Variants in ARHGAP42 observed in about 807,000 individuals in gnomAD.
ARHGAP42 encodes the protein Rho GTPase activating protein 42.
In ARHGAP42, 63 loss-of-function variants were observed where a neutral mutation model predicts 125.0. The observed-to-expected ratio is 0.50, with a 90% CI of 0.41 to 0.62. ARHGAP42 has a LOEUF of 0.62. Among genes scored for constraint, ARHGAP42 ranks in the 20% least tolerant of loss-of-function variants. ARHGAP42 has a pLI of 0.00. For missense variants in ARHGAP42, 766 were observed against 1,024.2 expected, an observed-to-expected ratio of 0.75 and a Z score of 3.44; for synonymous variants, 339 against 351.0, an observed-to-expected ratio of 0.97 and a Z score of 0.38.
intron 4 of ARHGAP42, among the ~76,000 whole-genome samples, chr11:100,887,131 C>T (rs190685113): frequency 2.0e-4 from 31 of 152,202 alleles, no homozygotes; most frequent in African/African-American, 7.2e-4. Context: ...ATAGGAGGAA[C>T]ATTAAATTAG....
intron 23 of ARHGAP42, 112 bp from the exon 24 acceptor site, chr11:100,988,601 C>G (rs1720935066): frequency 7.6e-6 from 6 of 788,040 alleles, no homozygotes; most frequent in East Asian, 2.7e-5. Flanking sequence ...TGGAACTAAT[C>G]CCCCACAGAT....
At chr11:100,965,809 T>C in intron 17 of ARHGAP42, 33 bp downstream of exon 17, 1 of 1,496,270 alleles carries the variant, frequency 6.7e-7, no homozygotes, top group Non-Finnish European at 9.1e-7. Context: ...TCATTTAACT[T>C]ATTGTTCATT....
chr11:100,750,699 AG>A (rs1340296489), intron 1 of ARHGAP42, among the ~76,000 whole-genome samples: 2 of 150,666 alleles, frequency 1.3e-5, no homozygotes, highest in Non-Finnish European at 3.0e-5. Context: ...GGAATGAGTC[AG>A]GGTGGAGAAT....
intron 22 of ARHGAP42, among the ~76,000 whole-genome samples, chr11:100,981,242 A>G (rs931691146): frequency 8.5e-5 from 13 of 152,212 alleles, no homozygotes; most frequent in African/African-American, 2.4e-4. Flanking sequence ...GATGGTTTCT[A>G]CATTAATAAC....
chr11:100,744,274 T>G (rs1191509477), intron 1 of ARHGAP42, among the ~76,000 whole-genome samples: 2 of 152,226 alleles, frequency 1.3e-5, no homozygotes, highest in Non-Finnish European at 2.9e-5. Context: ...CAGTGAAAAT[T>G]CTTTATTTAT....
chr11:100,908,962 T>A (rs558469721), intron 4 of ARHGAP42, among the ~76,000 whole-genome samples: 5 of 152,334 alleles, frequency 3.3e-5, no homozygotes, highest in East Asian at 3.9e-4. Context: ...TGGTTTTAAT[T>A]TGCATTTCTC....
At chr11:100,795,013 A>G in intron 2 of ARHGAP42, 92 bp from the exon 3 acceptor site, 6 of 962,944 alleles carry the variant, frequency 6.2e-6, no homozygotes, top group Non-Finnish European at 7.7e-6. Context: ...ATACAAATTA[A>G]TAACCAGCTT....
intron 4 of ARHGAP42, among the ~76,000 whole-genome samples, chr11:100,865,252 G>C (rs905635360): frequency 5.3e-5 from 8 of 152,030 alleles, no homozygotes; most frequent in Admixed American, 5.2e-4. Context: ...AGTTAATTAA[G>C]CATGTAATAT....
Position 100,976,301 on chromosome 11 carries a change from C to G in ARHGAP42, c.2100C>G (p.Asp700Glu), listed in dbSNP as rs1349902011. The change falls in exon 20 of 24, where the codon GAC becomes GAG. Residue 700 changes from aspartate to glutamate, a missense_variant. Around this residue, in one of 3 missense-constraint regions of ARHGAP42, gnomAD observed 308 missense variants for 369.7 expected, o/e 0.83. Coordinates refer to ENST00000298815, the MANE Select transcript of ARHGAP42 (RefSeq NM_152432.4). ...EDATKTDAESDCQSVASVTSP... is the reference protein window; with the variant it reads ...EDATKTDAESECQSVASVTSP... ...CAACCAAGACAGATGCAGAATCAGA[C>G]TGCCAGAGTGTTGCTTCAGTCACTA... The G allele has an allele frequency of 6.4e-7, 1 of 1,551,678 alleles. No individual in the cohort carries two copies. The highest frequency in any genetic ancestry group is 8.7e-7 in the Non-Finnish European group (1 of 1,146,902).
chr11:100,753,965 A>G (rs1029305756), intron 1 of ARHGAP42, among the ~76,000 whole-genome samples: 1 of 152,248 alleles, frequency 6.6e-6, no homozygotes, highest in Non-Finnish European at 1.5e-5. Flanking sequence ...CTCCATGGAA[A>G]AAAGTGAACA....
intron 3 of ARHGAP42, among the ~76,000 whole-genome samples, chr11:100,804,249 C>T (rs547147484): frequency 4.3e-4 from 65 of 152,230 alleles, no homozygotes; most frequent in African/African-American, 1.5e-3. Flanking sequence ...CTCGGCCTCT[C>T]AAAGTACTAG....
At chr11:100,747,894 A>G (rs1430440411) in intron 1 of ARHGAP42, among the ~76,000 whole-genome samples, 4 of 152,250 alleles carry the variant, frequency 2.6e-5, no homozygotes, top group Non-Finnish European at 5.9e-5. Context: ...CTTGTTGCAA[A>G]CATCCCTTTC....
At chr11:100,809,909 C>T (rs1378834955) in intron 3 of ARHGAP42, among the ~76,000 whole-genome samples, 1 of 151,170 alleles carries the variant, frequency 6.6e-6, no homozygotes, top group African/African-American at 2.4e-5. Flanking sequence ...CCACTGCACT[C>T]GAGCCTGGGT....
chr11:100,844,279 A>G (rs1320025140), intron 3 of ARHGAP42, among the ~76,000 whole-genome samples: 3 of 150,840 alleles, frequency 2.0e-5, no homozygotes, highest in Admixed American at 1.3e-4. Flanking sequence ...CTCATCTCTC[A>G]CCTTATGCAA....
intron 23 of ARHGAP42, among the ~76,000 whole-genome samples, chr11:100,988,452 T>C (rs1242626998): frequency 2.0e-5 from 3 of 152,200 alleles, no homozygotes; most frequent in African/African-American, 7.2e-5. Flanking sequence ...ACATAGTATT[T>C]ACATTGTAAA....
At chr11:100,977,898 C>T (rs1197764847) in intron 21 of ARHGAP42, among the ~76,000 whole-genome samples, 1 of 152,202 alleles carries the variant, frequency 6.6e-6, no homozygotes, top group Non-Finnish European at 1.5e-5. Flanking sequence ...TCCAGTAAGA[C>T]ATTTTACTAA....
At chr11:100,811,847 C>A (rs1206916243) in intron 3 of ARHGAP42, among the ~76,000 whole-genome samples, 1 of 152,132 alleles carries the variant, frequency 6.6e-6, no homozygotes, top group Non-Finnish European at 1.5e-5. Context: ...CTTTGCTGAA[C>A]AGTGTCAATG....
chr11:100,830,367 T>C (rs1864636279), intron 3 of ARHGAP42, among the ~76,000 whole-genome samples: 1 of 152,162 alleles, frequency 6.6e-6, no homozygotes, highest in Non-Finnish European at 1.5e-5. Context: ...GTGACTGTAA[T>C]TTGAGTGGTT....
At chr11:100,890,205 G>A (rs662453) in intron 4 of ARHGAP42, among the ~76,000 whole-genome samples, 86,619 of 151,868 alleles carry the variant, frequency 0.57, 25,370 homozygotes, top group Middle Eastern at 0.66. Flanking sequence ...TCTGCCTCTC[G>A]AGATGTCCCT....
Sources: gnomAD v4.1 joint callset for allele counts (sites outside exome capture counted in the v4.1 genomes callset) on GRCh38, gnomAD v4.1.1 for gene constraint, gnomAD v4.1.1 regional missense constraint, MANE v1.5 for transcripts, NCBI Gene and HGNC (gene_info 2026-07-23, HGNC 2026-07-21) for gene names.